FOXP1: variants seen among roughly 807,000 people sequenced by gnomAD.
The protein encoded by FOXP1 is forkhead box protein P1.
In FOXP1, 15 loss-of-function variants were observed where a neutral mutation model predicts 98.2. That is an observed-to-expected ratio of 0.15 (90% confidence interval 0.10 to 0.24). The LOEUF (loss-of-function observed/expected upper bound fraction) is 0.24. Ranked by LOEUF, FOXP1 falls within the 10% of genes least tolerant of loss-of-function variation. FOXP1 has a pLI of 1.00. For synonymous variants in FOXP1, 371 were observed against 314.5 expected (o/e 1.18, Z -1.90); for missense variants, 633 against 848.5 (o/e 0.75, Z 3.15).
At chr3:71,488,570 T>A (rs1313600916) in intron 3 of FOXP1, among the ~76,000 whole-genome samples, 1 of 152,232 alleles carries the variant, frequency 6.6e-6, no homozygotes, top group Non-Finnish European at 1.5e-5. Flanking sequence ...CTGATCTTCA[T>A]CAAGCCAGAC....
intron 20 of FOXP1, among the ~76,000 whole-genome samples, chr3:70,963,893 C>T (rs1559573370): frequency 6.6e-6 from 1 of 152,204 alleles, no homozygotes; most frequent in Non-Finnish European, 1.5e-5. Context: ...TGTTTCAACA[C>T]TCAATATTAG....
chr3:71,289,575 T>C (rs2072535152), intron 5 of FOXP1: 1 of 152,104 alleles, frequency 6.6e-6, no homozygotes, highest in Non-Finnish European at 1.5e-5. Flanking sequence ...ATCTCAGAGT[T>C]TTCATCCCAT....
chr3:71,249,335 T>C (rs750945971), intron 5 of FOXP1, among the ~76,000 whole-genome samples: 32 of 152,208 alleles, frequency 2.1e-4, no homozygotes, highest in Non-Finnish European at 7.3e-5. Flanking sequence ...CTAGTAACCA[T>C]AGTAACATAA....
chr3:71,040,672 T>C lies in FOXP1; in HGVS notation c.869+656A>G, dbSNP rs117998692. 2.4e-4 allele frequency among the ~76,000 whole-genome samples: 36 copies of C among 152,256 alleles called. No homozygotes were observed. The East Asian group carries it at 6.8e-3, about 29-fold the overall frequency. ...AAAATAAAATGTCTTAACTTCTAAA[T>C]AGGAATACAGCTGCTGAGACAATAC... On this transcript the variant is annotated intron_variant, in intron 11 of 20. Transcript: ENST00000649528.
intron 5 of FOXP1, among the ~76,000 whole-genome samples, chr3:71,212,734 T>G (rs1267902862): frequency 6.6e-6 from 1 of 152,184 alleles, no homozygotes; most frequent in Non-Finnish European, 1.5e-5. Flanking sequence ...AACCTTTTTG[T>G]AATGGAGTGC....
chr3:70,969,850 T>C (rs1424848858), intron 19 of FOXP1: 1 of 149,326 alleles, frequency 6.7e-6, no homozygotes, highest in Non-Finnish European at 1.5e-5. Flanking sequence ...CTATAGAATA[T>C]GCTTCTCGAA....
intron 11 of FOXP1, among the ~76,000 whole-genome samples, chr3:71,034,598 A>G (rs2047336327): frequency 6.6e-6 from 1 of 152,248 alleles, no homozygotes; most frequent in Admixed American, 6.5e-5. Flanking sequence ...ATCAAGCCCT[A>G]TGTCAAGTCT....
chr3:70,955,443 A>G lies in FOXP1; in HGVS notation c.*3804T>C, dbSNP rs1450576793. Reference sequence around the variant, plus strand: ...TCATCTTACAAGACGGACTCTAGGGACAGGTAGGTTGGATCCTCATTCCTG... The same window carrying G: ...TCATCTTACAAGACGGACTCTAGGGGCAGGTAGGTTGGATCCTCATTCCTG... On this transcript the variant is annotated 3_prime_UTR_variant, in exon 21 of 21. Coordinates refer to ENST00000649528, the MANE Select transcript of FOXP1 (RefSeq NM_001349338.3). 4.3e-6 allele frequency: 1 copy of G among 232,802 alleles called. No homozygotes were observed. Among genetic ancestry groups the G allele is most frequent in the Non-Finnish European group, 8.5e-6 (1 of 117,874 alleles). The allele number at this position is 232,802 out of a possible 1,614,324, so 14.4% of individuals were successfully genotyped here. A position where few individuals can be genotyped will look rare whatever the true frequency, so the allele number is the denominator to read the frequency against.
intron 17 of FOXP1, among the ~76,000 whole-genome samples, chr3:70,973,835 G>GCCCCCCCCCCCCC (rs56950015): frequency 9.8e-4 from 36 of 36,726 alleles, no homozygotes; most frequent in East Asian, 4.2e-3. Context: ...TTTGCACACC[G>GCCCCCCCCCCCCC]CCCCCCCCCC....
chr3:71,305,260 G>C (rs928738768), intron 4 of FOXP1, among the ~76,000 whole-genome samples: 4 of 152,148 alleles, frequency 2.6e-5, no homozygotes, highest in African/African-American at 9.7e-5. Flanking sequence ...AAACAGTTAA[G>C]CCAGGATGCC....
At chr3:71,521,548 G>C (rs545378764) in intron 2 of FOXP1, among the ~76,000 whole-genome samples, 6 of 150,902 alleles carry the variant, frequency 4.0e-5, no homozygotes, top group East Asian at 3.9e-4. Flanking sequence ...GGCAGGGGGA[G>C]GGGGGGGACC....
chr3:71,373,948 G>A (rs1446057206), intron 3 of FOXP1, among the ~76,000 whole-genome samples: 1 of 152,180 alleles, frequency 6.6e-6, no homozygotes, highest in African/African-American at 2.4e-5. Flanking sequence ...TACTGCAGGA[G>A]GGTGAGTTGA....
chr3:71,170,223 C>A (rs1014121779), intron 6 of FOXP1, among the ~76,000 whole-genome samples: 5 of 152,164 alleles, frequency 3.3e-5, no homozygotes, highest in Admixed American at 6.5e-5. Flanking sequence ...AAACAAAAAT[C>A]TTATATTGCT....
chr3:71,342,828 G>A (rs953945760), intron 4 of FOXP1, among the ~76,000 whole-genome samples: 3 of 152,024 alleles, frequency 2.0e-5, no homozygotes, highest in African/African-American at 4.8e-5. Context: ...TTTCCCCAAC[G>A]GTGACATCTT....
At chr3:71,418,020 A>AT (rs2083343498) in intron 3 of FOXP1, among the ~76,000 whole-genome samples, 1 of 148,846 alleles carries the variant, frequency 6.7e-6, no homozygotes, top group South Asian at 2.1e-4. Context: ...TTTTCATGTA[A>AT]TTTTTACTCA....
chr3:71,476,412 CTCTT>C (rs61458295), intron 3 of FOXP1, among the ~76,000 whole-genome samples: 54,662 of 150,534 alleles, frequency 0.36, 10,265 homozygotes, highest in African/African-American at 0.4. Context: ...TCCTTTCATT[CTCTT>C]TCTTTCTTTC....
At chr3:71,010,171 C>T (rs2043380434) in intron 12 of FOXP1, among the ~76,000 whole-genome samples, 3 of 152,042 alleles carry the variant, frequency 2.0e-5, no homozygotes, top group African/African-American at 7.2e-5. Context: ...TTAATAATGT[C>T]CTCACTACCC....
At chr3:71,167,802 A>G (rs955122428) in intron 6 of FOXP1, among the ~76,000 whole-genome samples, 4 of 152,228 alleles carry the variant, frequency 2.6e-5, no homozygotes, top group Admixed American at 6.5e-5. Flanking sequence ...CAATGATTAG[A>G]TACCTGCAGA....
intron 4 of FOXP1, among the ~76,000 whole-genome samples, chr3:71,328,764 G>C (rs1335813511): frequency 6.6e-6 from 1 of 151,902 alleles, no homozygotes; most frequent in African/African-American, 2.4e-5. Flanking sequence ...CCGGAGGTTG[G>C]GAGTTCAAGA....
Sources: allele counts gnomAD v4.1 joint callset (sites outside exome capture counted in the v4.1 genomes callset), GRCh38; gene constraint gnomAD v4.1.1; transcripts MANE v1.5; gene names NCBI Gene and HGNC (gene_info 2026-07-23, HGNC 2026-07-21).